The following DSCAML1 variants were observed in gnomAD, a reference collection of about 807,000 sequenced individuals.
The protein encoded by DSCAML1 is cell adhesion molecule DSCAML1.
DSCAML1 carries 38 observed loss-of-function variants against 200.5 expected under a neutral mutation model. That is an observed-to-expected ratio of 0.19 (90% CI 0.15 to 0.25). The LOEUF (loss-of-function observed/expected upper bound fraction) is 0.25. Among genes scored for constraint, DSCAML1 ranks in the 10% least tolerant of loss-of-function variants. The pLI is 1.00. For missense variants in DSCAML1, 2,223 were observed against 2,858.8 expected, an observed-to-expected ratio of 0.78 and a Z score of 5.07; for synonymous variants, 1,215 against 1,165.0, an observed-to-expected ratio of 1.04 and a Z score of -0.87.
At chr11:117,606,457 C>G (rs2051568261) in intron 3 of DSCAML1, among the ~76,000 whole-genome samples, 1 of 152,222 alleles carries the variant, frequency 6.6e-6, no homozygotes, top group Non-Finnish European at 1.5e-5. Context: ...TTAAACCCCA[C>G]TTCTTTCACT....
intron 3 of DSCAML1, among the ~76,000 whole-genome samples, chr11:117,586,617 C>A (rs1162446550): frequency 4.6e-5 from 7 of 152,164 alleles, no homozygotes; most frequent in Admixed American, 4.6e-4. Context: ...AGGCGGGAAG[C>A]AGGAGGATGA....
intron 3 of DSCAML1, among the ~76,000 whole-genome samples, chr11:117,743,799 A>C (rs2054466662): frequency 6.6e-6 from 1 of 152,116 alleles, no homozygotes; most frequent in African/African-American, 2.4e-5. Flanking sequence ...CAATACCCAC[A>C]AACACACCCG....
Position 117,461,607 on chromosome 11 carries a change from TA to T in DSCAML1, c.3266-12del. On this transcript the variant is annotated splice_polypyrimidine_tract_variant and intron_variant, in intron 17 of 32. Transcript: ENST00000651296. ...GGGGCTGGCTGGGCACTGCAGGGGG[TA>T]GGGGGAGAACCAAGGGTCCAGTCAG... 3 of 1,607,664 alleles carry T rather than the reference TA, an allele frequency of 1.9e-6. No homozygotes were observed.
chr11:117,564,081 A>G (rs1750066033), intron 3 of DSCAML1, among the ~76,000 whole-genome samples: 1 of 152,202 alleles, frequency 6.6e-6, no homozygotes, highest in Admixed American at 6.5e-5. Flanking sequence ...CCTGCCACAT[A>G]GTTTTCCATG....
upstream of DSCAML1, among the ~76,000 whole-genome samples, chr11:117,799,763 A>G (rs948889874): frequency 6.6e-6 from 1 of 152,218 alleles, no homozygotes; most frequent in Admixed American, 6.5e-5. Context: ...TACCAGTGGA[A>G]TGGGGACATC....
At chr11:117,754,074 G>T (rs1048952180) in intron 3 of DSCAML1, among the ~76,000 whole-genome samples, 1 of 152,190 alleles carries the variant, frequency 6.6e-6, no homozygotes, top group Non-Finnish European at 1.5e-5. Flanking sequence ...TTCCCTTTAA[G>T]AGGAGCAGAG....
intron 11 of DSCAML1, among the ~76,000 whole-genome samples, chr11:117,490,268 G>A (rs1020477777): frequency 1.3e-5 from 2 of 152,180 alleles, no homozygotes; most frequent in African/African-American, 4.8e-5. Flanking sequence ...GAAATTACTC[G>A]CAGGCCGGCT....
chr11:117,716,411 C>T (rs1004214333), intron 3 of DSCAML1, among the ~76,000 whole-genome samples: 4 of 152,152 alleles, frequency 2.6e-5, no homozygotes, highest in African/African-American at 9.7e-5. Flanking sequence ...AGCGGGTCAC[C>T]AAACAAGAGC....
At chr11:117,563,814 T>C (rs2050706293) in intron 3 of DSCAML1, among the ~76,000 whole-genome samples, 1 of 152,104 alleles carries the variant, frequency 6.6e-6, no homozygotes. Flanking sequence ...TTGCACAACA[T>C]ACGACATGTG....
intron 3 of DSCAML1, among the ~76,000 whole-genome samples, chr11:117,607,495 A>G (rs2051590893): frequency 6.6e-6 from 1 of 152,206 alleles, no homozygotes; most frequent in Admixed American, 6.5e-5. Context: ...CAGGGAAGAG[A>G]ATTCAACTCA....
chr11:117,461,546 C>T lies in DSCAML1; in HGVS notation c.3316G>A (p.Val1106Met), dbSNP rs368641418. The T allele has an allele frequency of 2.5e-5, 40 of 1,613,988 alleles. No homozygotes were observed. The East Asian group carries it at 6.7e-4, about 27-fold the overall frequency. The part of the protein sequence containing the change: ...NVRALSITSD[V>M]AVISWSEPPR... Reference sequence around the variant, plus strand: ...GGCTCTGACCAGGAGATGACGGCCACGTCAGAAGTGATGGACAGGGCCCGG... The same window carrying T: ...GGCTCTGACCAGGAGATGACGGCCATGTCAGAAGTGATGGACAGGGCCCGG... The change falls in exon 18 of 33, where the codon GTG becomes ATG. Residue 1106 changes from valine to methionine, a missense_variant. Physicochemically the swap from Val to Met is conservative, Grantham distance 21. Transcript: ENST00000651296.
chr11:117,674,049 C>G (rs563670698), intron 3 of DSCAML1, among the ~76,000 whole-genome samples: 3 of 152,190 alleles, frequency 2.0e-5, no homozygotes, highest in Non-Finnish European at 4.4e-5. Context: ...CCTCGATCCC[C>G]GCACCTTGCA....
At chr11:117,612,886 A>T (rs1021787466) in intron 3 of DSCAML1, among the ~76,000 whole-genome samples, 1 of 152,126 alleles carries the variant, frequency 6.6e-6, no homozygotes, top group Non-Finnish European at 1.5e-5. Context: ...GGAGGCAGAG[A>T]GCAGGCCAGG....
intron 3 of DSCAML1, among the ~76,000 whole-genome samples, chr11:117,624,173 A>G (rs116723841): frequency 0.014 from 2,182 of 152,272 alleles, 51 homozygotes; most frequent in African/African-American, 0.048. Context: ...AAAGCCACCC[A>G]CCAGCTTCAA....
intron 3 of DSCAML1, among the ~76,000 whole-genome samples, chr11:117,763,217 A>G (rs1304137735): frequency 1.3e-5 from 2 of 152,108 alleles, no homozygotes; most frequent in African/African-American, 2.4e-5. Flanking sequence ...AAATTCTCAA[A>G]TTTAGAGTCC....
At chr11:117,560,562 T>G (rs2050642989) in intron 3 of DSCAML1, among the ~76,000 whole-genome samples, 1 of 152,166 alleles carries the variant, frequency 6.6e-6, no homozygotes, top group Non-Finnish European at 1.5e-5. Flanking sequence ...GCCTTTTGAC[T>G]CCTAGCCAAG....
rs116095115 is a variant in DSCAML1, at chr11:117,579,959, T to C, written c.512-47437A>G. Reference sequence around the variant, plus strand: ...ATAATTGGGAAGAGTGTCAGTTTTTTATAGCTATTTAGCAGTCTAGCTGTT... The same window carrying C: ...ATAATTGGGAAGAGTGTCAGTTTTTCATAGCTATTTAGCAGTCTAGCTGTT... On this transcript the variant is annotated intron_variant, in intron 3 of 32. Coordinates refer to ENST00000651296, the MANE Select transcript of DSCAML1 (RefSeq NM_020693.4). 6.1e-3 allele frequency among the ~76,000 whole-genome samples: 929 copies of C among 152,258 alleles called. 9 individuals carry two copies. Among genetic ancestry groups the C allele is most frequent in the African/African-American group, 0.02 (838 of 41,542 alleles).
chr11:117,624,665 A>G (rs1224839777), intron 3 of DSCAML1, among the ~76,000 whole-genome samples: 1 of 152,118 alleles, frequency 6.6e-6, no homozygotes, highest in Non-Finnish European at 1.5e-5. Flanking sequence ...GCCTGGCCCC[A>G]GGAGCACTCT....
At chr11:117,761,288 T>C (rs1173119788) in intron 3 of DSCAML1, among the ~76,000 whole-genome samples, 1 of 151,644 alleles carries the variant, frequency 6.6e-6, no homozygotes, top group Non-Finnish European at 1.5e-5. Context: ...CTGGCCGCCA[T>C]AGGAGGCCTC....
Sources: allele counts gnomAD v4.1 joint callset (sites outside exome capture counted in the v4.1 genomes callset), GRCh38; gene constraint gnomAD v4.1.1; transcripts MANE v1.5; gene names NCBI Gene and HGNC (gene_info 2026-07-23, HGNC 2026-07-21).